The following CCDC88A variants were observed in gnomAD, a reference collection of about 807,000 sequenced individuals.
The protein encoded by CCDC88A is girdin.
A neutral mutation model predicts 234.3 loss-of-function variants in CCDC88A; 54 were observed. The ratio of observed to expected loss-of-function variants is 0.23; its 90% CI spans 0.19 to 0.29. The LOEUF is 0.29. CCDC88A is among the 10% of genes least tolerant of loss of function. The pLI is 1.00. For missense variants in CCDC88A, 1,832 were observed against 2,123.4 expected (o/e 0.86, Z 2.70); for synonymous variants, 753 against 737.8 (o/e 1.02, Z -0.33).
At chr2:55,402,150 T>C (rs1038042391) in intron 2 of CCDC88A, among the ~76,000 whole-genome samples, 2 of 152,142 alleles carry the variant, frequency 1.3e-5, no homozygotes, top group African/African-American at 4.8e-5. Context: ...ATATTTACTA[T>C]ATTAAAATTT....
chr2:55,407,729 T>C (rs1305755358), intron 2 of CCDC88A, among the ~76,000 whole-genome samples: 1 of 150,514 alleles, frequency 6.6e-6, no homozygotes, highest in Non-Finnish European at 1.5e-5. Context: ...ATTTTTTTTT[T>C]TTTTTTGAGA....
chr2:55,327,022 G>A (rs1296120401), intron 17 of CCDC88A, among the ~76,000 whole-genome samples: 2 of 152,154 alleles, frequency 1.3e-5, no homozygotes, highest in Non-Finnish European at 2.9e-5. Flanking sequence ...ACAACAAGCA[G>A]GTTAATGTGT....
At position 55,339,575 on chromosome 2, in the gene CCDC88A, A is replaced by G. The variant is rs200725387; in HGVS notation, c.1407T>C (p.Asn469=). 1.8e-4 allele frequency: 294 copies of G among 1,613,822 alleles called. 4 individuals are homozygous for G. In the East Asian group the frequency reaches 6.5e-3, roughly 36 times the overall value. The change falls in exon 13 of 33, where the codon AAT becomes AAC. Residue 469 remains asparagine (N), a synonymous_variant. Transcript: ENST00000436346. ...SSRLLKLEME[N]QSLTKTVEEL... ...CTTCTACGGTTTTTGTCAAACTTTG[A>G]TTTTCCATCTCTAGCTTCAATAATC...
intron 10 of CCDC88A, 27 bp downstream of exon 10, chr2:55,346,147 AT>A (rs1669081251): frequency 2.6e-6 from 4 of 1,531,078 alleles, no homozygotes; most frequent in Non-Finnish European, 3.5e-6. Flanking sequence ...AGAAAAAAAA[AT>A]CATGAATGGT....
In CCDC88A at chr2:55,388,819, T is replaced by C; in HGVS notation, c.232A>G (p.Asn78Asp). 6.5e-7 allele frequency: 1 copy of C among 1,540,524 alleles called. No individual in the cohort carries two copies. Among genetic ancestry groups the C allele is most frequent in the Non-Finnish European group, 8.9e-7 (1 of 1,128,016 alleles). The part of the protein sequence containing the change: ...VNNDASLRMH[N>D]LSILVRQIKF... ...ATCTGTCTCACCAAAATGGATAGATTGTGCATTCTAAGTGAGGCATCATTA... is the reference window on the plus strand; with the variant it reads ...ATCTGTCTCACCAAAATGGATAGATCGTGCATTCTAAGTGAGGCATCATTA... Residue 78 changes from asparagine to aspartate, a missense_variant, in exon 3 of 33, where the codon AAT becomes GAT. Asn to Asp is a conservative substitution (Grantham distance 23). Transcript: ENST00000436346.
At chr2:55,295,446 A>G in intron 31 of CCDC88A, 151 bp downstream of exon 31, 2 of 1,556,366 alleles carry the variant, frequency 1.3e-6, no homozygotes, top group Non-Finnish European at 1.7e-6. Context: ...AGTTTGGTTT[A>G]GAAAATGTGA....
At chr2:55,367,160 A>T (rs2104801605) in intron 5 of CCDC88A, among the ~76,000 whole-genome samples, 1 of 152,338 alleles carries the variant, frequency 6.6e-6, no homozygotes, top group South Asian at 2.1e-4. Flanking sequence ...AAAAGGACAA[A>T]TACTGTATGA....
intron 2 of CCDC88A, among the ~76,000 whole-genome samples, 179 bp from the exon 3 acceptor site, chr2:55,389,065 A>G (rs1676167247): frequency 6.6e-6 from 1 of 152,224 alleles, no homozygotes; most frequent in African/African-American, 2.4e-5. Context: ...CTTCTAATTA[A>G]TACAAATGCA....
intron 8 of CCDC88A, 190 bp downstream of exon 8, chr2:55,355,389 A>G: frequency 1.8e-6 from 1 of 542,424 alleles, no homozygotes; most frequent in East Asian, 3.2e-5. Flanking sequence ...CCATAAATCC[A>G]GAATAAAAGG....
Position 55,296,296 on chromosome 2 carries a change from G to T in CCDC88A, c.5053C>A (p.Gln1685Lys). The change falls in exon 30 of 33, where the codon CAG becomes AAG. Residue 1685 changes from glutamine (Q) to lysine (K), a missense_variant. Coordinates refer to ENST00000436346, the MANE Select transcript of CCDC88A (RefSeq NM_001365480.1). Reference sequence around the variant, plus strand: ...AGCTTATTGCTTTCTTCCAAAAACTGTTGTAGAGTAACAACTTCACTTCCA... The same window carrying T: ...AGCTTATTGCTTTCTTCCAAAAACTTTTGTAGAGTAACAACTTCACTTCCA... Reference protein sequence around the residue: ...SPGSEVVTLQQFLEESNKLTS... With the variant: ...SPGSEVVTLQKFLEESNKLTS... The T allele has an allele frequency of 6.2e-7, 1 of 1,614,080 alleles. No homozygotes were observed.
chr2:55,330,488 C>T (rs535556614), intron 16 of CCDC88A, among the ~76,000 whole-genome samples: 10 of 112,676 alleles, frequency 8.9e-5, no homozygotes, highest in Admixed American at 4.0e-4. Flanking sequence ...AAAAGAAAGA[C>T]GGGAAACTTA....
At chr2:55,375,469 CTATA>C (rs869279076) in intron 3 of CCDC88A, among the ~76,000 whole-genome samples, 332 of 26,468 alleles carry the variant, frequency 0.013, 2 homozygotes, top group East Asian at 0.076. Flanking sequence ...TGTCACTGTA[CTATA>C]TATATATATA....
chr2:55,291,124 A>G lies in CCDC88A; in HGVS notation c.*76T>C, dbSNP rs1213567721. On this transcript the variant is annotated 3_prime_UTR_variant, in exon 33 of 33. Coordinates refer to ENST00000436346, the MANE Select transcript of CCDC88A (RefSeq NM_001365480.1). ...TGCTAGGTGTCTTGTTACTTCAGAA[A>G]TAAAGGCTTCATACTGAGAAACTGA... 2 of 152,570 alleles carry G rather than the reference A, an allele frequency of 1.3e-5. No individual in the cohort carries two copies. Among genetic ancestry groups the G allele is most frequent in the African/African-American group, 2.4e-5 (1 of 41,448 alleles). The allele number at this position is 152,570 out of a possible 1,614,324, so 9.5% of individuals were successfully genotyped here. A position where few individuals can be genotyped will look rare whatever the true frequency, so the allele number is the denominator to read the frequency against.
chr2:55,341,241 G>T (rs1668452288), intron 12 of CCDC88A, among the ~76,000 whole-genome samples: 2 of 148,684 alleles, frequency 1.3e-5, no homozygotes, highest in South Asian at 4.3e-4. Context: ...TGCCTCTCGG[G>T]TTCAAGCGAT....
At chr2:55,336,866 G>C in intron 13 of CCDC88A, 48 bp from the exon 14 acceptor site, 6 of 1,193,886 alleles carry the variant, frequency 5.0e-6, no homozygotes, top group Non-Finnish European at 6.0e-6. Flanking sequence ...TTCTGTAACA[G>C]TGAAAACATG....
intron 2 of CCDC88A, among the ~76,000 whole-genome samples, chr2:55,390,559 G>A (rs1211648259): frequency 6.6e-6 from 1 of 152,314 alleles, no homozygotes; most frequent in Non-Finnish European, 1.5e-5. Flanking sequence ...CAAAAAGGAG[G>A]AAGATACCCT....
At chr2:55,400,153 T>C (rs1157329706) in intron 2 of CCDC88A, among the ~76,000 whole-genome samples, 6 of 152,188 alleles carry the variant, frequency 3.9e-5, no homozygotes, top group African/African-American at 1.4e-4. Flanking sequence ...CAAAAATTAA[T>C]TCAGAATAAT....
chr2:55,354,830 G>T (rs973196599), intron 8 of CCDC88A, among the ~76,000 whole-genome samples: 1 of 151,892 alleles, frequency 6.6e-6, no homozygotes, highest in African/African-American at 2.4e-5. Flanking sequence ...GCCTCCCAAA[G>T]TGCTGGGATT....
At chr2:55,418,771 T>A in intron 2 of CCDC88A, 45 bp downstream of exon 2, 1 of 1,444,946 alleles carries the variant, frequency 6.9e-7, no homozygotes, top group African/African-American at 1.4e-5. Context: ...CACCATATGC[T>A]ATTTCTCAAA....
Sources: allele counts gnomAD v4.1 joint callset (sites outside exome capture counted in the v4.1 genomes callset), GRCh38; gene constraint gnomAD v4.1.1; transcripts MANE v1.5; gene names NCBI Gene and HGNC (gene_info 2026-07-23, HGNC 2026-07-21).